CFAP54: variants seen among roughly 807,000 people sequenced by gnomAD.
The protein encoded by CFAP54 is cilia- and flagella-associated protein 54.
A neutral mutation model predicts 370.4 loss-of-function variants in CFAP54; 290 were observed. The ratio of observed to expected loss-of-function variants is 0.78; its 90% CI spans 0.71 to 0.86. The LOEUF is 0.86. Among genes scored for constraint, CFAP54 ranks in the 40% least tolerant of loss-of-function variants. CFAP54 has a pLI of 0.00. For synonymous variants in CFAP54, 1,206 were observed against 1,236.5 expected (o/e 0.98, Z 0.52); for missense variants, 3,399 against 3,528.7 (o/e 0.96, Z 0.93).
At chr12:96,550,209 G>GGTGGTGGTA (rs397755378) in intron 15 of CFAP54, among the ~76,000 whole-genome samples, 3 of 152,072 alleles carry the variant, frequency 2.0e-5, no homozygotes, top group Non-Finnish European at 2.9e-5. Context: ...TAAAGATGAT[G>GGTGGTGGTA]GTGGTGGTAG....
intron 17 of CFAP54, among the ~76,000 whole-genome samples, chr12:96,556,181 T>C (rs1270330579): frequency 6.6e-6 from 1 of 152,008 alleles, no homozygotes; most frequent in East Asian, 1.9e-4. Flanking sequence ...AATATATTTC[T>C]AAGCTTGGAG....
At chr12:96,566,647 A>T (rs1565898730) in intron 19 of CFAP54, among the ~76,000 whole-genome samples, 1 of 152,196 alleles carries the variant, frequency 6.6e-6, no homozygotes. Flanking sequence ...GTCAAGGACC[A>T]GAAAATGAGG....
At chr12:96,764,813 ACTAT>A (rs1386201159) in intron 59 of CFAP54, among the ~76,000 whole-genome samples, 7 of 152,188 alleles carry the variant, frequency 4.6e-5, no homozygotes, top group Non-Finnish European at 1.0e-4. Flanking sequence ...CATTTTGGCA[ACTAT>A]CTGTCATAGC....
At chr12:96,638,030 C>T (rs1395760574) in intron 32 of CFAP54, among the ~76,000 whole-genome samples, 5 of 152,044 alleles carry the variant, frequency 3.3e-5, no homozygotes, top group African/African-American at 4.8e-5. Flanking sequence ...AATAGCTTAA[C>T]GAAACATTTC....
chr12:96,775,138 C>G (rs1384787208), intron 60 of CFAP54, among the ~76,000 whole-genome samples: 1 of 152,092 alleles, frequency 6.6e-6, no homozygotes, highest in Non-Finnish European at 1.5e-5. Context: ...TCCATTAAAA[C>G]TTTACTGTGG....
chr12:96,632,717 G>C (rs900140982), intron 32 of CFAP54, among the ~76,000 whole-genome samples: 1 of 151,820 alleles, frequency 6.6e-6, no homozygotes, highest in Middle Eastern at 3.2e-3. Context: ...TGGGAGTCTT[G>C]GGTATTCTTC....
At chr12:96,552,067 A>G (rs1955700716) in intron 15 of CFAP54, among the ~76,000 whole-genome samples, 1 of 151,804 alleles carries the variant, frequency 6.6e-6, no homozygotes, top group Non-Finnish European at 1.5e-5. Context: ...ACCAACATGG[A>G]GAAACCCCAT....
At chr12:96,538,546 G>GT (rs773044550) in intron 13 of CFAP54, 28 bp downstream of exon 13, 160 of 1,524,792 alleles carry the variant, frequency 1.0e-4, no homozygotes, top group East Asian at 2.7e-4. Flanking sequence ...CCTTTCACGT[G>GT]TTTTTTTTGC....
At position 96,598,650 on chromosome 12, in the gene CFAP54, G is replaced by A. The variant is rs769057815; in HGVS notation, c.3522G>A (p.Leu1174=). 4.8e-6 allele frequency: 3 copies of A among 623,204 alleles called. No homozygotes were observed. Among genetic ancestry groups the A allele is most frequent in the Non-Finnish European group, 8.7e-6 (3 of 344,768 alleles). The allele number at this position is 623,204 out of a possible 1,614,324, so 38.6% of individuals were successfully genotyped here. A position where few individuals can be genotyped will look rare whatever the true frequency, so the allele number is the denominator to read the frequency against. Residue 1174 remains leucine (L), a synonymous_variant, in exon 26 of 68, where the codon CTG becomes CTA. Coordinates refer to ENST00000524981, the MANE Select transcript of CFAP54 (RefSeq NM_001306084.2). ...ATTGTGATTCTAATTTTTAGATCCT[G>A]ATAAAGTGTATAGTGGTTTTGCAAG... ...NIVLVPVVQI[L]IKCIVVLQGL... is the part of the protein sequence containing the mutation.
intron 5 of CFAP54, among the ~76,000 whole-genome samples, chr12:96,514,484 A>G (rs1333904817): frequency 6.6e-6 from 1 of 152,238 alleles, no homozygotes; most frequent in Non-Finnish European, 1.5e-5. Flanking sequence ...GACTACTGCA[A>G]TGATGCTACA....
At chr12:96,654,834 T>TA (rs891632173) in intron 36 of CFAP54, among the ~76,000 whole-genome samples, 19 of 148,498 alleles carry the variant, frequency 1.3e-4, no homozygotes, top group Admixed American at 4.0e-4. Flanking sequence ...TTCACTTAAT[T>TA]TTTTTTTTTT....
intron 66 of CFAP54, among the ~76,000 whole-genome samples, chr12:96,850,392 G>A (rs144318126): frequency 2.6e-5 from 4 of 152,148 alleles, no homozygotes; most frequent in Admixed American, 2.0e-4. Context: ...TGATTCAGGG[G>A]AGTGGGAGAG....
Position 96,625,718 on chromosome 12 carries a change from A to T in CFAP54, c.3887A>T (p.Tyr1296Phe). 6.5e-7 allele frequency: 1 copy of T among 1,530,074 alleles called. No homozygotes were observed. Among genetic ancestry groups the T allele is most frequent in the Non-Finnish European group, 8.7e-7 (1 of 1,143,678 alleles). The allele number at this position is 1,530,074 out of a possible 1,614,324, so 94.8% of individuals were successfully genotyped here. A position where few individuals can be genotyped will look rare whatever the true frequency, so the allele number is the denominator to read the frequency against. The stretch of plus-strand genomic sequence containing the variant: ...CAACTTTTGAATTTTTTAACCTTAG[A>T]TGTTACATCTGAACTCTCAGGAGGA... ...ETHLLKLTKQ[Y>F]VTSELSGGED... is the part of the protein sequence containing the mutation. Residue 1296 changes from tyrosine (Y) to phenylalanine (F), a missense_variant and splice_region_variant, in exon 29 of 68, where the codon TAT becomes TTT. Tyr to Phe is a conservative substitution (Grantham distance 22). Around this residue, in one of 3 missense-constraint regions of CFAP54, gnomAD observed 2,796 missense variants for 2,869.7 expected, o/e 0.97. Transcript: ENST00000524981.
In CFAP54 at chr12:96,663,895, C is replaced by A; in HGVS notation, c.5526C>A (p.Ser1842Arg). ...KINSSTIEAT[S>R]NCTDLLKMLI... ...ATTCTTCAACCATTGAAGCAACAAG[C>A]AACTGCACAGATTTGCTAAAAATGC... The change falls in exon 39 of 68, where the codon AGC (serine) becomes AGA (arginine). Residue 1842 changes from serine to arginine, a missense_variant. Around this residue, in one of 3 missense-constraint regions of CFAP54, gnomAD observed 2,796 missense variants for 2,869.7 expected, o/e 0.97. Coordinates refer to ENST00000524981, the MANE Select transcript of CFAP54 (RefSeq NM_001306084.2). 2 of 1,613,180 alleles carry A rather than the reference C, an allele frequency of 1.2e-6. No individual in the cohort carries two copies. Among genetic ancestry groups the A allele is most frequent in the Non-Finnish European group, 1.7e-6 (2 of 1,179,554 alleles).
chr12:96,631,432 A>G (rs527677062), intron 32 of CFAP54, among the ~76,000 whole-genome samples: 80 of 151,760 alleles, frequency 5.3e-4, no homozygotes, highest in Admixed American at 2.1e-3. Flanking sequence ...ATATGTATGT[A>G]GCCCCAAATA....
chr12:96,520,190 A>G (rs1955288835), intron 6 of CFAP54, among the ~76,000 whole-genome samples: 3 of 152,122 alleles, frequency 2.0e-5, no homozygotes, highest in Admixed American at 2.0e-4. Flanking sequence ...TGACCATTTA[A>G]TACACTCTAT....
intron 63 of CFAP54, among the ~76,000 whole-genome samples, chr12:96,796,932 A>G (rs1958769212): frequency 6.6e-6 from 1 of 152,084 alleles, no homozygotes; most frequent in Non-Finnish European, 1.5e-5. Flanking sequence ...CTCAGTATTC[A>G]GCTTTTTCTT....
chr12:96,558,520 A>G (rs2887162), intron 17 of CFAP54, among the ~76,000 whole-genome samples: 73,855 of 152,006 alleles, frequency 0.49, 18,416 homozygotes, highest in East Asian at 0.69. Flanking sequence ...CCAAAGCAGC[A>G]TGGTACTGGC....
chr12:96,700,749 A>T (rs2136578152), intron 46 of CFAP54, among the ~76,000 whole-genome samples: 1 of 152,270 alleles, frequency 6.6e-6, no homozygotes, highest in East Asian at 1.9e-4. Context: ...TCTGGGAATC[A>T]CTGGGTGATC....
Sources: gnomAD v4.1 joint callset for allele counts (sites outside exome capture counted in the v4.1 genomes callset) on GRCh38, gnomAD v4.1.1 for gene constraint, gnomAD v4.1.1 regional missense constraint, MANE v1.5 for transcripts, NCBI Gene and HGNC (gene_info 2026-07-23, HGNC 2026-07-21) for gene names.